The following KLHL20 variants were observed in gnomAD, a reference collection of about 807,000 sequenced individuals.
The protein encoded by KLHL20 is kelch-like protein 20.
A neutral mutation model predicts 69.5 loss-of-function variants in KLHL20; 29 were observed. That is an observed-to-expected ratio of 0.42 (90% CI 0.31 to 0.57). The LOEUF is 0.57. Among genes scored for constraint, KLHL20 ranks in the 20% least tolerant of loss-of-function variants. The probability of loss-of-function intolerance (pLI) is 0.18; values close to 1 mark genes in which losing one functional copy is unlikely to be tolerated. For synonymous variants in KLHL20, 253 were observed against 265.2 expected (o/e 0.95, Z 0.45); for missense variants, 419 against 776.0 (o/e 0.54, Z 5.47).
At chr1:173,722,771 C>G (rs1250801066) in intron 2 of KLHL20, among the ~76,000 whole-genome samples, 3 of 150,392 alleles carry the variant, frequency 2.0e-5, no homozygotes, top group Non-Finnish European at 4.4e-5. Context: ...TTCACCGCAA[C>G]CTCTGCCTCC....
chr1:173,734,521 A>G (rs1672436050), intron 3 of KLHL20: 1 of 494,284 alleles, frequency 2.0e-6, no homozygotes, highest in Non-Finnish European at 3.6e-6. Flanking sequence ...AAAGTATTTA[A>G]AAAAAAATTT....
chr1:173,722,965 C>A (rs1189459388), intron 2 of KLHL20, among the ~76,000 whole-genome samples: 1 of 152,136 alleles, frequency 6.6e-6, no homozygotes, highest in Non-Finnish European at 1.5e-5. Context: ...GCTGGGATTA[C>A]AGGTGTGAGC....
At chr1:173,717,525 T>C (rs1480605567) in intron 2 of KLHL20, among the ~76,000 whole-genome samples, 1 of 152,246 alleles carries the variant, frequency 6.6e-6, no homozygotes, top group African/African-American at 2.4e-5. Context: ...TATCCTTTTC[T>C]TATTGGGCTG....
chr1:173,766,370 C>T (rs981186351), intron 8 of KLHL20, 81 bp downstream of exon 8: 16 of 1,307,142 alleles, frequency 1.2e-5, no homozygotes, highest in South Asian at 1.7e-5. Flanking sequence ...ACAGGTTGGG[C>T]GTGGTGGCTC....
At chr1:173,723,257 G>T (rs566953830) in intron 2 of KLHL20, among the ~76,000 whole-genome samples, 2 of 152,256 alleles carry the variant, frequency 1.3e-5, no homozygotes, top group South Asian at 4.1e-4. Context: ...CATCTACTGT[G>T]TACAAGGCAC....
At chr1:173,776,960 T>C (rs556954134) in intron 10 of KLHL20, among the ~76,000 whole-genome samples, 3 of 152,192 alleles carry the variant, frequency 2.0e-5, no homozygotes, top group Non-Finnish European at 4.4e-5. Context: ...GTGAAGACTG[T>C]CATTGGTATT....
chr1:173,721,065 C>T (rs1671692170), intron 2 of KLHL20, among the ~76,000 whole-genome samples: 1 of 152,116 alleles, frequency 6.6e-6, no homozygotes, highest in Admixed American at 6.5e-5. Context: ...GAGGACAGAA[C>T]TGTAGTGAGT....
chr1:173,772,448 G>A (rs1648155386), intron 8 of KLHL20, among the ~76,000 whole-genome samples: 1 of 152,122 alleles, frequency 6.6e-6, no homozygotes, highest in Non-Finnish European at 1.5e-5. Context: ...AACTTTTTAA[G>A]ACTAATTGGT....
At chr1:173,741,956 G>A in intron 3 of KLHL20, 1 of 814,264 alleles carries the variant, frequency 1.2e-6, no homozygotes, top group Non-Finnish European at 2.0e-6. Flanking sequence ...AGATAAGTGG[G>A]AAACCATCTC....
At chr1:173,759,230 C>A (rs1268089113) in intron 7 of KLHL20, among the ~76,000 whole-genome samples, 3 of 152,078 alleles carry the variant, frequency 2.0e-5, no homozygotes, top group African/African-American at 7.2e-5. Flanking sequence ...GCAACAAGAC[C>A]CGCCCAAGGA....
Position 173,751,799 on chromosome 1 carries a change from C to T in KLHL20, c.633C>T (p.Ala211=). 1 of 1,614,032 alleles carries T rather than the reference C, an allele frequency of 6.2e-7. No individual in the cohort carries two copies. The highest frequency in any genetic ancestry group is 8.5e-7 in the Non-Finnish European group (1 of 1,179,960). The change falls in exon 4 of 12, where the codon GCC becomes GCT. Residue 211 remains alanine, a synonymous_variant. Coordinates refer to ENST00000209884, the MANE Select transcript of KLHL20 (RefSeq NM_014458.4). ...GTGAAGAGTTCATGTTGCTTCCAGC[C>T]AATCAACTCATTGATATAATATCCA... ...MESEEFMLLP[A]NQLIDIISSD...
intron 11 of KLHL20, among the ~76,000 whole-genome samples, chr1:173,783,314 T>C (rs566928906): frequency 6.6e-6 from 1 of 152,214 alleles, no homozygotes; most frequent in Non-Finnish European, 1.5e-5. Flanking sequence ...ATTTTTCTTA[T>C]GACCATGAAG....
intron 8 of KLHL20, among the ~76,000 whole-genome samples, chr1:173,773,462 T>G (rs1215112365): frequency 6.6e-6 from 1 of 150,564 alleles, no homozygotes; most frequent in Non-Finnish European, 1.5e-5. Flanking sequence ...AATTAAAATT[T>G]TTTTAAATGT....
At chr1:173,751,428 A>G (rs941452863) in intron 3 of KLHL20, among the ~76,000 whole-genome samples, 5 of 152,154 alleles carry the variant, frequency 3.3e-5, no homozygotes, top group African/African-American at 1.2e-4. Flanking sequence ...ATCTTCTGCA[A>G]GCTTTTTCTG....
intron 2 of KLHL20, among the ~76,000 whole-genome samples, chr1:173,731,885 TAA>T (rs1672297444): frequency 6.6e-6 from 1 of 151,822 alleles, no homozygotes; most frequent in Admixed American, 6.6e-5. Context: ...TTTAAAAAAT[TAA>T]AAATATAATA....
intron 3 of KLHL20, among the ~76,000 whole-genome samples, chr1:173,743,510 T>A (rs1571883568): frequency 6.6e-6 from 1 of 151,718 alleles, no homozygotes; most frequent in African/African-American, 2.4e-5. Flanking sequence ...CCTGAACACT[T>A]ACTATGATGG....
chr1:173,733,918 A>AAG lies in KLHL20; in HGVS notation c.231_232dup (p.Lys78ArgfsTer33). ...TGATGTGGTGCTAGTTGTGGGCGCC[A>AAG]AGAAGATATATGCCCATCGAGTCAT... is the stretch of plus-strand genomic sequence containing the variant. On this transcript the variant is annotated frameshift_variant, in exon 3 of 12. Coordinates refer to ENST00000209884, the MANE Select transcript of KLHL20 (RefSeq NM_014458.4). LOFTEE classifies it high-confidence loss of function. 7.4e-6 allele frequency: 12 copies of AAG among 1,614,210 alleles called. No homozygotes were observed. The highest frequency in any genetic ancestry group is 1.7e-5 in the Admixed American group (1 of 60,028).
chr1:173,723,419 GGTT>G lies in KLHL20; in HGVS notation c.23+7361_23+7363del, dbSNP rs551744039. Among the ~76,000 whole-genome samples, 291 of 152,260 alleles carry G rather than the reference GGTT, an allele frequency of 1.9e-3. 1 individual carries two copies. Among genetic ancestry groups the G allele is most frequent in the African/African-American group, 6.3e-3 (260 of 41,558 alleles). Reference sequence around the variant, plus strand: ...GATGTATAAGTGTTTTGGAAAAATTGGTTGTTGTTGGAGAAAAGAAGAACCATG... The same window carrying G: ...GATGTATAAGTGTTTTGGAAAAATTGGTTGTTGGAGAAAAGAAGAACCATG... On this transcript the variant is annotated intron_variant, in intron 2 of 11. Coordinates refer to ENST00000209884, the MANE Select transcript of KLHL20 (RefSeq NM_014458.4).
chr1:173,774,201 T>C (rs1462603578), intron 8 of KLHL20, 104 bp from the exon 9 acceptor site: 2 of 1,324,424 alleles, frequency 1.5e-6, no homozygotes, highest in African/African-American at 1.5e-5. Flanking sequence ...CATTTGACTA[T>C]AGCAAGTCCG....
Sources: allele counts gnomAD v4.1 joint callset (sites outside exome capture counted in the v4.1 genomes callset), GRCh38; gene constraint gnomAD v4.1.1; transcripts MANE v1.5; gene names NCBI Gene and HGNC (gene_info 2026-07-23, HGNC 2026-07-21).